Variants in TMEM132D observed in about 807,000 individuals in gnomAD.
The protein encoded by TMEM132D is mature OL transmembrane protein.
TMEM132D carries 21 observed loss-of-function variants against 62.3 expected under a neutral mutation model. The observed-to-expected ratio is 0.34, with a 90% CI of 0.24 to 0.49. TMEM132D has a LOEUF of 0.49. Among genes scored for constraint, TMEM132D ranks in the 20% least tolerant of loss-of-function variants. The pLI is 0.99. For synonymous variants in TMEM132D, 621 were observed against 575.6 expected (o/e 1.08, Z -1.13); for missense variants, 1,346 against 1,402.8 (o/e 0.96, Z 0.65).
At chr12:129,446,918 A>G (rs1047143309) in intron 3 of TMEM132D, among the ~76,000 whole-genome samples, 16 of 152,212 alleles carry the variant, frequency 1.1e-4, no homozygotes, top group African/African-American at 3.9e-4. Flanking sequence ...AATGCTTCGG[A>G]TATGGAGCAT....
At position 129,337,614 on chromosome 12, in the gene TMEM132D, C is replaced by T. The variant is rs760220668; in HGVS notation, c.1299+20G>A. The T allele has an allele frequency of 5.0e-6, 8 of 1,613,470 alleles. No individual in the cohort carries two copies. The highest frequency in any genetic ancestry group is 1.1e-5 in the South Asian group (1 of 90,894). On this transcript the variant is annotated intron_variant, in intron 4 of 8. Transcript: ENST00000422113. ...CTCCCCCGAGTTCAGTTCTAACAGC[C>T]CAGGGCGGGGCTTGCTTACCATAGC...
At chr12:129,747,855 CACACACACACG>C (rs11338156) in intron 1 of TMEM132D, among the ~76,000 whole-genome samples, 93,591 of 150,530 alleles carry the variant, frequency 0.62, 29,490 homozygotes, top group South Asian at 0.7. Context: ...CACACAGACA[CACACACACACG>C]ACACACACAC....
intron 4 of TMEM132D, among the ~76,000 whole-genome samples, chr12:129,279,562 AG>A (rs918510730): frequency 1.3e-5 from 2 of 150,608 alleles, no homozygotes; most frequent in Non-Finnish European, 3.0e-5. Flanking sequence ...TTTTTTTTTG[AG>A]GGGGGTATAA....
intron 3 of TMEM132D, among the ~76,000 whole-genome samples, chr12:129,504,557 G>A (rs34051907): frequency 0.011 from 1,736 of 152,188 alleles, 28 homozygotes; most frequent in African/African-American, 0.04. Context: ...TATTTCTGTG[G>A]TGTCAGTTGT....
chr12:129,837,437 C>CAAATTGTTTTTTTTTTTGCTTTTTGTTT (rs1873040308), intron 1 of TMEM132D, among the ~76,000 whole-genome samples: 1 of 152,100 alleles, frequency 6.6e-6, no homozygotes, highest in Non-Finnish European at 1.5e-5. Context: ...GGTTTACAAA[C>CAAATTGTTTTTTTTTTTGCTTTTTGTTT]AATTGCTTTT....
At chr12:129,428,322 T>C (rs1007681073) in intron 3 of TMEM132D, among the ~76,000 whole-genome samples, 3 of 152,248 alleles carry the variant, frequency 2.0e-5, no homozygotes, top group Non-Finnish European at 4.4e-5. Flanking sequence ...CAGAAAAATC[T>C]GTTGTGTAAA....
chr12:129,810,369 GA>G (rs557834691), intron 1 of TMEM132D, among the ~76,000 whole-genome samples: 3 of 151,664 alleles, frequency 2.0e-5, no homozygotes, highest in African/African-American at 7.3e-5. Flanking sequence ...AAAATCTAAA[GA>G]AAAAAATCAC....
intron 1 of TMEM132D, among the ~76,000 whole-genome samples, chr12:129,806,729 AT>A (rs1871996631): frequency 3.3e-5 from 5 of 152,132 alleles, no homozygotes; most frequent in Admixed American, 3.3e-4. Context: ...AAATAAAAAA[AT>A]AAAGTAATTA....
At chr12:129,315,266 T>C (rs1275913143) in intron 4 of TMEM132D, among the ~76,000 whole-genome samples, 1 of 152,206 alleles carries the variant, frequency 6.6e-6, no homozygotes, top group Non-Finnish European at 1.5e-5. Flanking sequence ...TTCAGTATTA[T>C]GTTGGCTGTG....
At chr12:129,900,373 A>C (rs1374448605) in intron 1 of TMEM132D, among the ~76,000 whole-genome samples, 1 of 152,196 alleles carries the variant, frequency 6.6e-6, no homozygotes, top group African/African-American at 2.4e-5. Flanking sequence ...AGTTTCAGGA[A>C]GGCGCTCCAA....
chr12:129,207,383 G>T (rs533767554), intron 5 of TMEM132D, among the ~76,000 whole-genome samples: 3 of 151,600 alleles, frequency 2.0e-5, no homozygotes, highest in Non-Finnish European at 4.4e-5. Flanking sequence ...AATATATAGT[G>T]TATCTGTGAA....
At chr12:129,813,549 A>G (rs1872251251) in intron 1 of TMEM132D, among the ~76,000 whole-genome samples, 1 of 150,586 alleles carries the variant, frequency 6.6e-6, no homozygotes, top group Admixed American at 6.6e-5. Flanking sequence ...GCCAACTCAC[A>G]ATAGGCGAAA....
At chr12:129,843,530 A>G (rs1873264732) in intron 1 of TMEM132D, among the ~76,000 whole-genome samples, 2 of 152,220 alleles carry the variant, frequency 1.3e-5, no homozygotes, top group Admixed American at 1.3e-4. Context: ...TATTTATGCA[A>G]TCAAAAACAA....
Position 129,344,246 on chromosome 12 carries a change from A to T in TMEM132D, c.1116-6429T>A, listed in dbSNP as rs1004635605. Among the ~76,000 whole-genome samples the T allele has an allele frequency of 2.6e-5, 4 of 152,134 alleles. No homozygotes were observed. In the South Asian group the frequency reaches 6.2e-4, roughly 24 times the overall value. The stretch of plus-strand genomic sequence containing the variant: ...TCTGGATCAGAACCCCTTTCCTGTA[A>T]CATATTTCTGGTGACCACAGATGGG... On this transcript the variant is annotated intron_variant, in intron 3 of 8. Transcript: ENST00000422113.
At chr12:129,731,755 CG>C (rs1869251537) in intron 1 of TMEM132D, among the ~76,000 whole-genome samples, 1 of 152,112 alleles carries the variant, frequency 6.6e-6, no homozygotes, top group Non-Finnish European at 1.5e-5. Flanking sequence ...CTCCGCCTCC[CG>C]GGTTCACACT....
At chr12:129,180,048 A>G in intron 5 of TMEM132D, among the ~76,000 whole-genome samples, 1 of 152,046 alleles carries the variant, frequency 6.6e-6, no homozygotes, top group Non-Finnish European at 1.5e-5. Context: ...TAAAAAAAAA[A>G]AAAGTGACAC....
At chr12:129,900,707 A>G (rs975034478) in intron 1 of TMEM132D, among the ~76,000 whole-genome samples, 2 of 152,074 alleles carry the variant, frequency 1.3e-5, no homozygotes, top group Non-Finnish European at 2.9e-5. Context: ...CCTCCCATAA[A>G]GTTCACAGTA....
intron 1 of TMEM132D, among the ~76,000 whole-genome samples, chr12:129,767,676 T>C (rs904377367): frequency 7.9e-5 from 12 of 152,224 alleles, no homozygotes; most frequent in African/African-American, 2.2e-4. Context: ...TCAGAGTTTT[T>C]GTTTTTAAGG....
At chr12:129,251,612 A>T (rs1457556956) in intron 4 of TMEM132D, among the ~76,000 whole-genome samples, 1 of 152,222 alleles carries the variant, frequency 6.6e-6, no homozygotes, top group African/African-American at 2.4e-5. Flanking sequence ...AGTTGCATGC[A>T]GCATGAGTAT....
Sources: gnomAD v4.1 joint callset for allele counts (sites outside exome capture counted in the v4.1 genomes callset) on GRCh38, gnomAD v4.1.1 for gene constraint, MANE v1.5 for transcripts, NCBI Gene and HGNC (gene_info 2026-07-23, HGNC 2026-07-21) for gene names.